EIF4E3: variants seen among roughly 807,000 people sequenced by gnomAD.
EIF4E3 encodes eukaryotic translation initiation factor 4E type 3.
A neutral mutation model predicts 31.7 loss-of-function variants in EIF4E3; 26 were observed. That is an observed-to-expected ratio of 0.82 (90% CI 0.60 to 1.14). EIF4E3 has a LOEUF of 1.14. Ranked by LOEUF, EIF4E3 falls within the 50% of genes most tolerant of loss-of-function variation. The pLI, the probability that EIF4E3 is intolerant of heterozygous loss-of-function variation, is 0.00. For synonymous variants in EIF4E3, 128 were observed against 107.7 expected, an observed-to-expected ratio of 1.19 and a Z score of -1.17; for missense variants, 304 against 270.9, an observed-to-expected ratio of 1.12 and a Z score of -0.86.
chr3:71,696,654 A>T, intron 3 of EIF4E3, 134 bp from the exon 4 acceptor site: 3 of 1,000,792 alleles, frequency 3.0e-6, no homozygotes, highest in East Asian at 2.6e-5. Flanking sequence ...CATTTTTCTT[A>T]TTTTTGTTTT....
intron 2 of EIF4E3, among the ~76,000 whole-genome samples, chr3:71,707,581 G>A (rs2049311531): frequency 6.6e-6 from 1 of 152,158 alleles, no homozygotes; most frequent in Non-Finnish European, 1.5e-5. Flanking sequence ...CTGATCCTTA[G>A]GGCAGTGTTT....
At chr3:71,713,006 T>C (rs1391538605) in intron 1 of EIF4E3, among the ~76,000 whole-genome samples, 1 of 152,128 alleles carries the variant, frequency 6.6e-6, no homozygotes, top group African/African-American at 2.4e-5. Context: ...TATCCAGGTT[T>C]TTTGAAGAAA....
the EIF4E3 span, among the ~76,000 whole-genome samples, chr3:71,669,358 A>G: frequency 6.6e-6 from 1 of 152,190 alleles, no homozygotes; most frequent in Non-Finnish European, 1.5e-5. Context: ...CTATGTAACA[A>G]ACCTGCATGT....
chr3:71,690,062 T>C lies in EIF4E3; in HGVS notation c.576A>G (p.Glu192=). Residue 192 remains glutamate, a synonymous_variant, in exon 6 of 7, where the codon GAA becomes GAG. Coordinates refer to ENST00000425534, the MANE Select transcript of EIF4E3 (RefSeq NM_001134651.2). ...TGTGGGGCAGAAGTTCATAGATCTTTTCTAAAACAGTCGCTTCACCCACTA... is the reference window on the plus strand; with the variant it reads ...TGTGGGGCAGAAGTTCATAGATCTTCTCTAAAACAGTCGCTTCACCCACTA... The part of the protein sequence containing the change: ...ASLVGEATVL[E]KIYELLPHIT... 1 of 1,614,030 alleles carries C rather than the reference T, an allele frequency of 6.2e-7. No homozygotes were observed. Among genetic ancestry groups the C allele is most frequent in the Non-Finnish European group, 8.5e-7 (1 of 1,179,976 alleles).
intron 2 of EIF4E3, among the ~76,000 whole-genome samples, chr3:71,706,053 T>C (rs754630088): frequency 6.6e-6 from 1 of 152,238 alleles, no homozygotes; most frequent in African/African-American, 2.4e-5. Context: ...TACGCCTAGA[T>C]GTAAAATGGA....
chr3:71,670,137 A>C, the EIF4E3 span, among the ~76,000 whole-genome samples: 1 of 152,188 alleles, frequency 6.6e-6, no homozygotes, highest in African/African-American at 2.4e-5. Flanking sequence ...TAAACTGTCG[A>C]ACGTCAGGGG....
exon 1 of EIF4E3, chr3:71,753,596 G>A (rs1384185195): frequency 7.4e-5 from 11 of 148,672 alleles, no homozygotes; most frequent in African/African-American, 4.9e-5. Context: ...TGCCTCGGCG[G>A]GGCTGGCGGC....
At chr3:71,744,625 G>T (rs2049852999) in intron 1 of EIF4E3, among the ~76,000 whole-genome samples, 2 of 152,116 alleles carry the variant, frequency 1.3e-5, no homozygotes, top group Non-Finnish European at 2.9e-5. Flanking sequence ...CGTGCCTGTA[G>T]TCCCAGCTAC....
upstream of EIF4E3, chr3:71,753,701 G>C (rs939750575): frequency 1.3e-5 from 2 of 150,452 alleles, no homozygotes; most frequent in African/African-American, 4.9e-5. Flanking sequence ...CGGGCCCGGC[G>C]GGGGGCAGAG....
chr3:71,685,881 T>C (rs1399822420), intron 6 of EIF4E3, among the ~76,000 whole-genome samples: 2 of 152,196 alleles, frequency 1.3e-5, no homozygotes, highest in African/African-American at 4.8e-5. Flanking sequence ...GGTGCTTTGA[T>C]CCCCAACACG....
rs373732640 is a variant in EIF4E3 at position 71,753,191 on chromosome 3, A to G, written c.-291+272T>C. ...CCTGAGGTATAAAGTGGGATTAAGG[A>G]TGGCAACAACTTCGTGATTACTGTT... On this transcript the variant is annotated intron_variant, in intron 1 of 7. Transcript: ENST00000295612. Among the ~76,000 whole-genome samples, 16 of 152,232 alleles carry G rather than the reference A, an allele frequency of 1.1e-4. No homozygotes were observed. The East Asian group carries it at 2.7e-3, about 26-fold the overall frequency.
intron 2 of EIF4E3, among the ~76,000 whole-genome samples, chr3:71,709,702 T>G (rs1050443038): frequency 2.6e-5 from 4 of 152,112 alleles, no homozygotes; most frequent in African/African-American, 9.7e-5. Context: ...TTCAGTTGTG[T>G]TTTTCCAACT....
upstream of EIF4E3, among the ~76,000 whole-genome samples, chr3:71,730,180 G>A (rs1359228447): frequency 1.3e-5 from 2 of 152,142 alleles, no homozygotes; most frequent in East Asian, 1.9e-4. Context: ...ACACTATTCT[G>A]GGATACTCAC....
At chr3:71,700,740 G>C (rs186351440) in intron 2 of EIF4E3, among the ~76,000 whole-genome samples, 57 of 152,138 alleles carry the variant, frequency 3.7e-4, no homozygotes, top group African/African-American at 1.3e-3. Flanking sequence ...CACTCTGTTT[G>C]CCCCTTATCT....
the EIF4E3 span, among the ~76,000 whole-genome samples, chr3:71,666,812 AC>A: frequency 6.6e-6 from 1 of 152,016 alleles, no homozygotes; most frequent in East Asian, 1.9e-4. Flanking sequence ...GGTGGCGCAC[AC>A]CTGTAGTCCA....
At chr3:71,710,626 A>G (rs533932390) in intron 1 of EIF4E3, 142 bp from the exon 2 acceptor site, 1 of 729,388 alleles carries the variant, frequency 1.4e-6, no homozygotes, top group African/African-American at 1.8e-5. Context: ...TGCTAGTTGG[A>G]ATTTAAAATG....
chr3:71,730,048 G>T (rs976544237), upstream of EIF4E3, among the ~76,000 whole-genome samples: 3 of 152,166 alleles, frequency 2.0e-5, no homozygotes, highest in Admixed American at 6.6e-5. Flanking sequence ...CTTCAGTGCC[G>T]GTAGGTACAG....
rs75023933 is a variant in EIF4E3, at chr3:71,704,655, A to G, written c.250-4947T>C. On this transcript the variant is annotated intron_variant, in intron 2 of 6. Coordinates refer to ENST00000425534, the MANE Select transcript of EIF4E3 (RefSeq NM_001134651.2). Reference sequence around the variant, plus strand: ...AGGGGTCTTCATAACATGAGGTTACAGCAGGGCCAAAGGTGGTGGGCATGG... The same window carrying G: ...AGGGGTCTTCATAACATGAGGTTACGGCAGGGCCAAAGGTGGTGGGCATGG... Among the ~76,000 whole-genome samples the G allele has an allele frequency of 3.2e-3, 490 of 152,354 alleles. 5 individuals are homozygous for G. The highest frequency in any genetic ancestry group is 0.011 in the African/African-American group (472 of 41,588).
At position 71,710,489 on chromosome 3, in the gene EIF4E3, G is replaced by C. The variant is rs1338950840; in HGVS notation, c.177-5C>G. The C allele has an allele frequency of 3.8e-5, 59 of 1,551,866 alleles. No homozygotes were observed. The highest frequency in any genetic ancestry group is 4.9e-5 in the Non-Finnish European group (56 of 1,147,092). On this transcript the variant is annotated splice_polypyrimidine_tract_variant and splice_region_variant and intron_variant, in intron 1 of 6. Transcript: ENST00000425534. ...GCTGTGGCACCAGGGAGGGATCTAG[G>C]CAAGCAGGAGCAGGACAAAGACACA...
Sources: gnomAD v4.1 joint callset for allele counts (sites outside exome capture counted in the v4.1 genomes callset) on GRCh38, gnomAD v4.1.1 for gene constraint, MANE v1.5 for transcripts, NCBI Gene and HGNC (gene_info 2026-07-23, HGNC 2026-07-21) for gene names.